MIR2052HG: variants seen among roughly 807,000 people sequenced by gnomAD.
MIR2052HG encodes the protein MIR2052 host gene.
chr8:74,620,367 G>C (rs1808344787), intron 2 of MIR2052HG, among the ~76,000 whole-genome samples: 1 of 152,150 alleles, frequency 6.6e-6, no homozygotes, highest in Non-Finnish European at 1.5e-5. Context: ...TGCCCGCATG[G>C]GGACTCTGTG....
intron 2 of MIR2052HG, among the ~76,000 whole-genome samples, chr8:74,630,621 C>T (rs1045301741): frequency 2.6e-5 from 4 of 151,722 alleles, no homozygotes; most frequent in Non-Finnish European, 5.9e-5. Flanking sequence ...AAAAAACATT[C>T]GACTGAGCTT....
chr8:74,717,788 G>A (rs1010213671), intron 4 of MIR2052HG, among the ~76,000 whole-genome samples: 8 of 151,420 alleles, frequency 5.3e-5, no homozygotes, highest in Non-Finnish European at 7.4e-5. Context: ...AGTCTGGGTG[G>A]CAGAGTGAGA....
At chr8:74,655,131 A>G (rs1034682047) in intron 2 of MIR2052HG, among the ~76,000 whole-genome samples, 2 of 152,196 alleles carry the variant, frequency 1.3e-5, no homozygotes, top group Admixed American at 1.3e-4. Flanking sequence ...AGAGCATTCA[A>G]GAGGTGACTT....
At chr8:74,616,061 T>C (rs576502463) in intron 2 of MIR2052HG, among the ~76,000 whole-genome samples, 10 of 152,302 alleles carry the variant, frequency 6.6e-5, no homozygotes, top group Admixed American at 2.6e-4. Flanking sequence ...TGAATAGTGC[T>C]GCAATAAACA....
chr8:74,724,534 CAT>C (rs1452242548), intron 4 of MIR2052HG, among the ~76,000 whole-genome samples: 1 of 152,196 alleles, frequency 6.6e-6, no homozygotes, highest in African/African-American at 2.4e-5. Flanking sequence ...AAAAAAATGA[CAT>C]AGCCTATTCT....
intron 4 of MIR2052HG, among the ~76,000 whole-genome samples, chr8:74,750,227 C>A (rs1440531451): frequency 6.6e-6 from 1 of 152,042 alleles, no homozygotes; most frequent in African/African-American, 2.4e-5. Context: ...GTCACATATG[C>A]CTTTGTAAGA....
At chr8:74,675,507 G>C (rs1292899350) in intron 2 of MIR2052HG, among the ~76,000 whole-genome samples, 1 of 151,976 alleles carries the variant, frequency 6.6e-6, no homozygotes, top group Non-Finnish European at 1.5e-5. Flanking sequence ...TATCTATAGG[G>C]AGTGGGGGGT....
chr8:74,607,900 T>C (rs1047037620), intron 1 of MIR2052HG, among the ~76,000 whole-genome samples: 1 of 152,196 alleles, frequency 6.6e-6, no homozygotes, highest in African/African-American at 2.4e-5. Flanking sequence ...GGGCCTATTA[T>C]GAATGGCACA....
chr8:74,604,195 C>G (rs1178207283), intron 1 of MIR2052HG: 1 of 893,596 alleles, frequency 1.1e-6, no homozygotes, highest in Non-Finnish European at 1.9e-6. Context: ...CATAAGTAGT[C>G]GGATGGTGAG....
chr8:74,625,482 TA>T (rs1808422393), intron 2 of MIR2052HG: 1 of 152,202 alleles, frequency 6.6e-6, no homozygotes, highest in African/African-American at 2.4e-5. Context: ...TTATAAAAAC[TA>T]AAATGTAAAA....
intron 2 of MIR2052HG, among the ~76,000 whole-genome samples, chr8:74,659,472 A>AT (rs548174231): frequency 7.1e-4 from 108 of 152,122 alleles, no homozygotes; most frequent in African/African-American, 2.4e-3. Flanking sequence ...ATGGAGTCTC[A>AT]TTTTTTTGCT....
chr8:74,693,758 C>A (rs1014394007), intron 2 of MIR2052HG, among the ~76,000 whole-genome samples: 8 of 151,948 alleles, frequency 5.3e-5, no homozygotes, highest in African/African-American at 1.9e-4. Context: ...GAAAACATAA[C>A]TCCATAGGTC....
At chr8:74,671,674 A>G (rs78768843) in intron 2 of MIR2052HG, among the ~76,000 whole-genome samples, 2,198 of 152,230 alleles carry the variant, frequency 0.014, 54 homozygotes, top group African/African-American at 0.047. Context: ...AAAATGAGAG[A>G]GCTATTCAAG....
At chr8:74,711,413 GA>G (rs1359089775) in intron 4 of MIR2052HG, among the ~76,000 whole-genome samples, 1 of 152,164 alleles carries the variant, frequency 6.6e-6, no homozygotes, top group Non-Finnish European at 1.5e-5. Context: ...CTGAATGAAT[GA>G]ATAGAATTTC....
intron 2 of MIR2052HG, among the ~76,000 whole-genome samples, chr8:74,624,184 CA>C (rs1808404727): frequency 6.6e-6 from 1 of 152,198 alleles, no homozygotes; most frequent in African/African-American, 2.4e-5. Context: ...CAATTAGCCA[CA>C]AACTGTTGTA....
chr8:74,609,871 T>G (rs1179949824), intron 1 of MIR2052HG: 1 of 151,340 alleles, frequency 6.6e-6, no homozygotes, highest in Non-Finnish European at 1.5e-5. Flanking sequence ...TGAAAGAAAA[T>G]TCTTTCTTCA....
At chr8:74,635,662 C>T (rs764673282) in intron 2 of MIR2052HG, among the ~76,000 whole-genome samples, 3 of 152,230 alleles carry the variant, frequency 2.0e-5, no homozygotes, top group Non-Finnish European at 2.9e-5. Context: ...AATGTCAACA[C>T]GTAATTCGTG....
At chr8:74,648,970 A>C (rs1442433667) in intron 2 of MIR2052HG, among the ~76,000 whole-genome samples, 1 of 152,158 alleles carries the variant, frequency 6.6e-6, no homozygotes, top group African/African-American at 2.4e-5. Context: ...ACACACTGGC[A>C]CACTATAGTG....
intron 2 of MIR2052HG, among the ~76,000 whole-genome samples, chr8:74,649,002 T>C (rs1808723979): frequency 6.6e-6 from 1 of 151,892 alleles, no homozygotes; most frequent in Non-Finnish European, 1.5e-5. Flanking sequence ...ATCTCTGAAA[T>C]TGTCTAGCAA....
Sources: allele counts gnomAD v4.1 joint callset (sites outside exome capture counted in the v4.1 genomes callset), GRCh38; gene constraint gnomAD v4.1.1; transcripts MANE v1.5; gene names NCBI Gene and HGNC (gene_info 2026-07-23, HGNC 2026-07-21).